Variants in TENM4 observed in about 807,000 individuals in gnomAD.
TENM4 encodes the protein teneurin-4.
In TENM4, 82 loss-of-function variants were observed where a neutral mutation model predicts 243.3. The ratio of observed to expected loss-of-function variants is 0.34; its 90% CI spans 0.28 to 0.40. The LOEUF is 0.40. Among genes scored for constraint, TENM4 ranks in the 10% least tolerant of loss-of-function variants. TENM4 has a pLI of 1.00. For missense variants in TENM4, 3,138 were observed against 3,673.3 expected (o/e 0.85, Z 3.77); for synonymous variants, 1,412 against 1,456.3 (o/e 0.97, Z 0.69).
intron 25 of TENM4, among the ~76,000 whole-genome samples, chr11:78,718,785 T>G (rs899657729): frequency 6.6e-6 from 1 of 152,224 alleles, no homozygotes; most frequent in African/African-American, 2.4e-5. Flanking sequence ...AATGGGCATG[T>G]TTTCAATTTC....
At position 78,805,438 on chromosome 11, in the gene TENM4, C is replaced by G; in HGVS notation, c.2033G>C (p.Cys678Ser). ...SGRGVCVRGE[C>S]HCSVGWGGTN... is the part of the protein sequence containing the mutation. ...GCCTCCCCATCCCACAGAGCAGTGG[C>G]ATTCGCCTCTCACGCAGACACCCCG... Residue 678 changes from cysteine to serine, a missense_variant, in exon 15 of 34, where the codon TGC (cysteine) becomes TCC (serine). By Grantham distance (112) the Cys-to-Ser change is moderately radical. Coordinates refer to ENST00000278550, the MANE Select transcript of TENM4 (RefSeq NM_001098816.3). 6.3e-7 allele frequency: 1 copy of G among 1,599,984 alleles called. No homozygotes were observed.
At chr11:79,163,950 ACTATATAT>A (rs572913580) in intron 3 of TENM4, among the ~76,000 whole-genome samples, 17 of 140,228 alleles carry the variant, frequency 1.2e-4, no homozygotes, top group Admixed American at 3.0e-4. Context: ...TCTATATAGT[ACTATATAT>A]CTATATATCT....
In TENM4 at chr11:78,854,158, A is replaced by G. The variant is rs1323521706; in HGVS notation, c.1627T>C (p.Phe543Leu). ...TCTGACTCCTTTCCGTCATTGTAAA[A>G]AGCCAAGTGCCAGATTCCTGAATCC... is the stretch of plus-strand genomic sequence containing the variant. ...YLDSGIWHLA[F>L]YNDGKESEVV... is the part of the protein sequence containing the mutation. Residue 543 changes from phenylalanine (F) to leucine (L), a missense_variant, in exon 12 of 34, where the codon TTT becomes CTT. Physicochemically the swap from Phe to Leu is conservative, Grantham distance 22. Around this residue, in one of 2 missense-constraint regions of TENM4, gnomAD observed 2,467 missense variants for 3,059.1 expected, o/e 0.81. Transcript: ENST00000278550. The G allele has an allele frequency of 3.2e-6, 5 of 1,551,552 alleles. No homozygotes were observed. Among genetic ancestry groups the G allele is most frequent in the Non-Finnish European group, 4.4e-6 (5 of 1,146,982 alleles).
chr11:79,164,317 A>AT (rs1369821711), intron 3 of TENM4, among the ~76,000 whole-genome samples: 19 of 128,752 alleles, frequency 1.5e-4, no homozygotes, highest in African/African-American at 5.9e-4. Flanking sequence ...ATATAGATAT[A>AT]CTAGTATATA....
intron 3 of TENM4, among the ~76,000 whole-genome samples, chr11:79,165,063 TTCA>T (rs1352420802): frequency 6.6e-6 from 1 of 151,882 alleles, no homozygotes. Flanking sequence ...TTGAGCTGGT[TTCA>T]TATTTTTGAA....
chr11:79,083,120 A>G (rs554633220), intron 4 of TENM4, among the ~76,000 whole-genome samples: 2 of 152,316 alleles, frequency 1.3e-5, no homozygotes, highest in East Asian at 3.9e-4. Context: ...ATTAAGTCTT[A>G]TAAGTGCCGT....
intron 4 of TENM4, among the ~76,000 whole-genome samples, chr11:79,106,052 C>T (rs7935464): frequency 0.14 from 21,745 of 152,268 alleles, 1,638 homozygotes; most frequent in Middle Eastern, 0.19. Flanking sequence ...CTAGTCACCA[C>T]GCTAATGTCT....
At chr11:79,242,910 T>C (rs1234612677) in intron 2 of TENM4, among the ~76,000 whole-genome samples, 1 of 152,178 alleles carries the variant, frequency 6.6e-6, no homozygotes, top group Non-Finnish European at 1.5e-5. Flanking sequence ...GTGTGTGAGG[T>C]ATCCCTCCAT....
At chr11:78,983,959 AATGG>A (rs1204550440) in intron 6 of TENM4, among the ~76,000 whole-genome samples, 1 of 152,274 alleles carries the variant, frequency 6.6e-6, no homozygotes, top group Admixed American at 6.5e-5. Context: ...TTCTAGAGAA[AATGG>A]ATGGTCATCT....
At chr11:78,753,751 A>C (rs139405538) in intron 19 of TENM4, among the ~76,000 whole-genome samples, 104 of 152,110 alleles carry the variant, frequency 6.8e-4, no homozygotes, top group Middle Eastern at 6.8e-3. Flanking sequence ...ACATTTTGGA[A>C]GCTTCCATTA....
At chr11:78,775,356 C>T (rs1246991550) in intron 17 of TENM4, among the ~76,000 whole-genome samples, 1 of 152,138 alleles carries the variant, frequency 6.6e-6, no homozygotes, top group African/African-American at 2.4e-5. Context: ...GGGATTGGGT[C>T]AATGAATCAT....
intron 19 of TENM4, chr11:78,756,598 T>C: frequency 1.8e-6 from 1 of 563,886 alleles, no homozygotes; most frequent in Non-Finnish European, 3.2e-6. Flanking sequence ...AAAACTTTGC[T>C]CATAAAAATT....
At chr11:78,843,936 A>G (rs2852409) in intron 12 of TENM4, among the ~76,000 whole-genome samples, 73,251 of 151,922 alleles carry the variant, frequency 0.48, 18,981 homozygotes, top group African/African-American at 0.64. Flanking sequence ...TTGCAGGGAA[A>G]AACATCAGTG....
At chr11:78,879,293 GCGCCTTTGCC>G in intron 9 of TENM4, among the ~76,000 whole-genome samples, 3 of 101,452 alleles carry the variant, frequency 3.0e-5, no homozygotes, top group Non-Finnish European at 4.4e-5. Flanking sequence ...GATGTGAGGA[GCGCCTTTGCC>G]CAGCCGCCAC....
In TENM4 at chr11:78,837,065, A is replaced by C. The variant is rs148359146; in HGVS notation, c.1681+17039T>G. ...AAACTCTTAGAAAATCCTAGCTCTT[A>C]GAGGTTTTAGGGTTGACAAAAGTGT... On this transcript the variant is annotated intron_variant, in intron 12 of 33. Coordinates refer to ENST00000278550, the MANE Select transcript of TENM4 (RefSeq NM_001098816.3). 4.5e-4 allele frequency among the ~76,000 whole-genome samples: 69 copies of C among 152,240 alleles called. 1 individual carries two copies. In the East Asian group the frequency reaches 0.013, roughly 29 times the overall value.
intron 2 of TENM4, among the ~76,000 whole-genome samples, chr11:79,286,477 AC>A (rs1169966376): frequency 6.9e-6 from 1 of 144,892 alleles, no homozygotes; most frequent in Non-Finnish European, 1.5e-5. Context: ...ACATGGTGAA[AC>A]CCCGTCTCTA....
intron 12 of TENM4, among the ~76,000 whole-genome samples, chr11:78,830,217 T>C (rs1172693459): frequency 6.6e-6 from 1 of 152,168 alleles, no homozygotes; most frequent in Non-Finnish European, 1.5e-5. Context: ...TTCCCATAAA[T>C]TCCCATCATA....
At chr11:79,091,749 C>T (rs902034518) in intron 4 of TENM4, among the ~76,000 whole-genome samples, 31 of 152,182 alleles carry the variant, frequency 2.0e-4, no homozygotes, top group African/African-American at 7.0e-4. Context: ...CCTTCACATC[C>T]TCACACCTGA....
intron 19 of TENM4, among the ~76,000 whole-genome samples, chr11:78,754,180 G>C (rs1445464276): frequency 6.6e-6 from 1 of 152,224 alleles, no homozygotes; most frequent in South Asian, 2.1e-4. Flanking sequence ...CTATTAAGCT[G>C]CTTGTCCAGA....
Sources: gnomAD v4.1 joint callset for allele counts (sites outside exome capture counted in the v4.1 genomes callset) on GRCh38, gnomAD v4.1.1 for gene constraint, gnomAD v4.1.1 regional missense constraint, MANE v1.5 for transcripts, NCBI Gene and HGNC (gene_info 2026-07-23, HGNC 2026-07-21) for gene names.